ANKS1B: variants seen among roughly 807,000 people sequenced by gnomAD.
ANKS1B encodes ankyrin repeat and sterile alpha motif domain-containing protein 1B.
In ANKS1B, 36 loss-of-function variants were observed where a neutral mutation model predicts 148.3. That is an observed-to-expected ratio of 0.24 (90% confidence interval 0.19 to 0.32). The LOEUF (loss-of-function observed/expected upper bound fraction) is 0.32, where lower values mean the gene tolerates loss of function less well. Among genes scored for constraint, ANKS1B ranks in the 10% least tolerant of loss-of-function variants. ANKS1B has a pLI of 1.00. For synonymous variants in ANKS1B, 542 were observed against 560.8 expected (o/e 0.97, Z 0.47); for missense variants, 1,157 against 1,542.6 (o/e 0.75, Z 4.19).
At chr12:98,757,817 G>T (rs1300475174) in intron 25 of ANKS1B, among the ~76,000 whole-genome samples, 2 of 152,206 alleles carry the variant, frequency 1.3e-5, no homozygotes, top group Non-Finnish European at 2.9e-5. Flanking sequence ...GAAGATACTT[G>T]CTTTGGTCTT....
chr12:99,260,706 G>C (rs899590278), intron 12 of ANKS1B, among the ~76,000 whole-genome samples: 1 of 152,146 alleles, frequency 6.6e-6, no homozygotes, highest in Non-Finnish European at 1.5e-5. Context: ...GTTTCCATCT[G>C]ATTCAGAGAG....
intron 1 of ANKS1B, among the ~76,000 whole-genome samples, chr12:99,969,212 C>G (rs990737494): frequency 2.2e-4 from 34 of 151,954 alleles, no homozygotes; most frequent in African/African-American, 7.3e-4. Flanking sequence ...AGGTTTTTTT[C>G]TTTTTGCCCA....
At chr12:99,583,230 C>T (rs1033007664) in intron 9 of ANKS1B, among the ~76,000 whole-genome samples, 2 of 152,060 alleles carry the variant, frequency 1.3e-5, no homozygotes, top group Non-Finnish European at 2.9e-5. Flanking sequence ...TGGTTTTTCT[C>T]CATTCCAAGA....
At chr12:99,225,552 C>T (rs1365384108) in intron 14 of ANKS1B, among the ~76,000 whole-genome samples, 1 of 152,134 alleles carries the variant, frequency 6.6e-6, no homozygotes, top group East Asian at 1.9e-4. Flanking sequence ...AGATCACCCT[C>T]AATCTGGGTG....
At chr12:98,782,352 C>T (rs146029250) in intron 22 of ANKS1B, among the ~76,000 whole-genome samples, 25 of 152,336 alleles carry the variant, frequency 1.6e-4, no homozygotes, top group African/African-American at 6.0e-4. Context: ...CTTTCTTTCT[C>T]TGTTTCTCAT....
rs1736110436 is a variant in ANKS1B at position 99,339,441 on chromosome 12, TA to T, written c.1756+60189del. The stretch of plus-strand genomic sequence containing the variant: ...GTAGGCAATTCACAGCTGTCTTTCC[TA>T]CCTTCTCTTTCCTAGATATGATGTT... On this transcript the variant is annotated intron_variant, in intron 12 of 26. Coordinates refer to ENST00000683438, the MANE Select transcript of ANKS1B (RefSeq NM_001352186.2). Among the ~76,000 whole-genome samples, 4 of 152,306 alleles carry T rather than the reference TA, an allele frequency of 2.6e-5. No individual in the cohort carries two copies. The South Asian group carries it at 8.3e-4, about 32-fold the overall frequency.
At chr12:99,417,402 T>C (rs1488130989) in intron 11 of ANKS1B, among the ~76,000 whole-genome samples, 1 of 152,222 alleles carries the variant, frequency 6.6e-6, no homozygotes, top group East Asian at 1.9e-4. Context: ...CCTATTGATC[T>C]AAGTGTCTAT....
intron 19 of ANKS1B, among the ~76,000 whole-genome samples, chr12:98,819,574 C>G (rs1245699765): frequency 6.6e-6 from 1 of 152,174 alleles, no homozygotes; most frequent in East Asian, 1.9e-4. Context: ...TAGACCTTTT[C>G]CAATCATGGG....
intron 17 of ANKS1B, among the ~76,000 whole-genome samples, chr12:98,988,660 A>T (rs1371980294): frequency 6.6e-6 from 1 of 151,982 alleles, no homozygotes; most frequent in Non-Finnish European, 1.5e-5. Context: ...TATATTTTTA[A>T]TTTTTTGAGA....
rs1365483052 is a variant in ANKS1B at position 99,753,238 on chromosome 12, A to G, written c.1128+19684T>C. Reference sequence around the variant, plus strand: ...TAAAGAAAGACTTGAACTACACCTCATAAGATGAACAAGATTTAAACAAAC... The same window carrying G: ...TAAAGAAAGACTTGAACTACACCTCGTAAGATGAACAAGATTTAAACAAAC... On this transcript the variant is annotated intron_variant, in intron 8 of 26. Transcript: ENST00000683438. Among the ~76,000 whole-genome samples the G allele has an allele frequency of 2.0e-5, 3 of 152,284 alleles. No homozygotes were observed. The East Asian group carries it at 5.8e-4, about 29-fold the overall frequency.
intron 10 of ANKS1B, 80 bp downstream of exon 10, chr12:99,504,396 A>T: frequency 6.9e-7 from 1 of 1,447,316 alleles, no homozygotes; most frequent in Non-Finnish European, 9.4e-7. Context: ...ACATAGTAGG[A>T]AACCAAAATG....
chr12:99,260,954 A>G (rs537333283), intron 12 of ANKS1B, among the ~76,000 whole-genome samples: 2 of 152,292 alleles, frequency 1.3e-5, no homozygotes, highest in South Asian at 4.1e-4. Flanking sequence ...TCTCACAGAA[A>G]TTTTCAGGTT....
At chr12:99,302,780 A>G (rs1044375620) in intron 12 of ANKS1B, among the ~76,000 whole-genome samples, 1 of 152,206 alleles carries the variant, frequency 6.6e-6, no homozygotes, top group African/African-American at 2.4e-5. Flanking sequence ...TTATGCAAGT[A>G]TAAAGTTATG....
Position 98,798,942 on chromosome 12 carries a change from T to G in ANKS1B, c.3334A>C (p.Lys1112Gln). The G allele has an allele frequency of 6.2e-7, 1 of 1,611,080 alleles. No homozygotes were observed. Among genetic ancestry groups the G allele is most frequent in the Non-Finnish European group, 8.5e-7 (1 of 1,178,678 alleles). ...GTESTQDACAKMRANCQKSTE... is the reference protein window; with the variant it reads ...GTESTQDACAQMRANCQKSTE... ...TAGTTTGGCAGACTTACCCGCATTT[T>G]TGCACAAGCATCTTGGGTTGATTCT... Residue 1112 changes from lysine (K) to glutamine (Q), a missense_variant, in exon 22 of 27, where the codon AAA (lysine) becomes CAA (glutamine). Lys to Gln is a moderately conservative substitution (Grantham distance 53). Around this residue, in one of 6 missense-constraint regions of ANKS1B, gnomAD observed 258 missense variants for 497.0 expected, o/e 0.52. Coordinates refer to ENST00000683438, the MANE Select transcript of ANKS1B (RefSeq NM_001352186.2).
At chr12:99,742,721 C>A (rs932474044) in intron 8 of ANKS1B, among the ~76,000 whole-genome samples, 1 of 151,666 alleles carries the variant, frequency 6.6e-6, no homozygotes, top group Non-Finnish European at 1.5e-5. Flanking sequence ...AACTGTAATC[C>A]CAGCTACTCA....
rs559295433 is a variant in ANKS1B at position 98,769,655 on chromosome 12, C to T, written c.3579+3387G>A. ...GTATTCTGGTGATATATATATATCA[C>T]ACACACGTATAGCTAATAAACTCAA... is the stretch of plus-strand genomic sequence containing the variant. On this transcript the variant is annotated intron_variant, in intron 25 of 26. Coordinates refer to ENST00000683438, the MANE Select transcript of ANKS1B (RefSeq NM_001352186.2). Among the ~76,000 whole-genome samples the T allele has an allele frequency of 5.3e-5, 8 of 151,726 alleles. No homozygotes were observed. In the South Asian group the frequency reaches 1.7e-3, roughly 32 times the overall value.
At chr12:99,366,518 C>T (rs148702573) in intron 12 of ANKS1B, among the ~76,000 whole-genome samples, 3 of 152,004 alleles carry the variant, frequency 2.0e-5, no homozygotes, top group African/African-American at 7.2e-5. Flanking sequence ...GATGATGAAA[C>T]AAATAGAAAG....
At chr12:99,323,473 C>A (rs999225187) in intron 12 of ANKS1B, among the ~76,000 whole-genome samples, 1 of 152,168 alleles carries the variant, frequency 6.6e-6, no homozygotes, top group Non-Finnish European at 1.5e-5. Flanking sequence ...TTCTTCTCAA[C>A]CCCAACAGAG....
intron 17 of ANKS1B, among the ~76,000 whole-genome samples, chr12:98,857,945 G>A (rs2099580290): frequency 6.6e-6 from 1 of 152,158 alleles, no homozygotes; most frequent in African/African-American, 2.4e-5. Flanking sequence ...ACACTATGGT[G>A]TAGTCTTATC....
Sources: gnomAD v4.1 joint callset for allele counts (sites outside exome capture counted in the v4.1 genomes callset) on GRCh38, gnomAD v4.1.1 for gene constraint, gnomAD v4.1.1 regional missense constraint, MANE v1.5 for transcripts, NCBI Gene and HGNC (gene_info 2026-07-23, HGNC 2026-07-21) for gene names.